Variants in DOCK1 observed in about 807,000 individuals in gnomAD.
The protein encoded by DOCK1 is dedicator of cytokinesis 1, also known as dedicator of cytokinesis protein 1.
In DOCK1, 138 loss-of-function variants were observed where a neutral mutation model predicts 262.7. That is an observed-to-expected ratio of 0.53 (90% CI 0.46 to 0.61). DOCK1 has a LOEUF of 0.61. Ranked by LOEUF, DOCK1 falls within the 20% of genes least tolerant of loss-of-function variation. The pLI, the probability that DOCK1 is intolerant of heterozygous loss-of-function variation, is 0.00. For synonymous variants in DOCK1, 866 were observed against 867.4 expected, an observed-to-expected ratio of 1.00 and a Z score of 0.03; for missense variants, 1,908 against 2,370.7, an observed-to-expected ratio of 0.80 and a Z score of 4.05.
At chr10:127,241,222 G>C (rs1025218151) in intron 27 of DOCK1, among the ~76,000 whole-genome samples, 1 of 152,180 alleles carries the variant, frequency 6.6e-6, no homozygotes, top group Admixed American at 6.5e-5. Context: ...CGGAGGCTGA[G>C]GCAGGAGAAT....
chr10:127,449,664 G>A lies in DOCK1; in HGVS notation c.5566-1668G>A, dbSNP rs79231522. The stretch of plus-strand genomic sequence containing the variant: ...TAGTATGTCATCATTAGGCAGAAGC[G>A]GTTGCATTTCCTGGGGTGCCTCCCT... On this transcript the variant is annotated intron_variant, in intron 51 of 51. Coordinates refer to ENST00000623213, the MANE Select transcript of DOCK1 (RefSeq NM_001290223.2). Among the ~76,000 whole-genome samples the A allele has an allele frequency of 1.2e-3, 188 of 152,254 alleles. 2 individuals carry two copies. In the East Asian group the frequency reaches 0.033, roughly 27 times the overall value.
At position 127,022,775 on chromosome 10, in the gene DOCK1, A is replaced by G. The variant is rs553658236; in HGVS notation, c.1328-425A>G. ...AGAATGCATAGGAGGCAACCTTGCC[A>G]GTTACCTGGGAGTGCCAGTGGATAC... On this transcript the variant is annotated intron_variant, in intron 13 of 51. Transcript: ENST00000623213. Among the ~76,000 whole-genome samples, 8 of 152,290 alleles carry G rather than the reference A, an allele frequency of 5.3e-5. No homozygotes were observed. In the South Asian group the frequency reaches 1.7e-3, roughly 32 times the overall value.
intron 28 of DOCK1, among the ~76,000 whole-genome samples, chr10:127,252,282 A>T (rs912723265): frequency 6.7e-6 from 1 of 150,086 alleles, no homozygotes; most frequent in Admixed American, 6.7e-5. Flanking sequence ...GATTCTGGAT[A>T]TTAGCCCTTT....
intron 23 of DOCK1, among the ~76,000 whole-genome samples, chr10:127,074,097 A>C (rs1227286714): frequency 6.6e-6 from 1 of 152,226 alleles, no homozygotes; most frequent in African/African-American, 2.4e-5. Flanking sequence ...AGCTTAAAAA[A>C]TCATTAGCTC....
intron 27 of DOCK1, chr10:127,135,631 A>G (rs2050625634): frequency 6.5e-6 from 1 of 152,754 alleles, no homozygotes; most frequent in Middle Eastern, 3.4e-3. Flanking sequence ...TAAACTATGA[A>G]ATGATTTTGA....
chr10:127,044,464 C>A (rs1184420440), intron 21 of DOCK1, among the ~76,000 whole-genome samples: 1 of 152,120 alleles, frequency 6.6e-6, no homozygotes, highest in Admixed American at 6.5e-5. Context: ...TGGAGATGCC[C>A]AGTGTGTGGG....
intron 2 of DOCK1, among the ~76,000 whole-genome samples, chr10:126,972,991 A>G (rs1591494662): frequency 6.6e-6 from 1 of 151,718 alleles, no homozygotes; most frequent in Non-Finnish European, 1.5e-5. Context: ...GAGGAGACAG[A>G]GAGAAATTAA....
chr10:127,079,728 C>A (rs12254152), intron 23 of DOCK1, among the ~76,000 whole-genome samples: 1 of 152,120 alleles, frequency 6.6e-6, no homozygotes, highest in African/African-American at 2.4e-5. Flanking sequence ...GTCAGGAGTT[C>A]GAGATCAGCC....
chr10:127,244,351 G>A (rs1324843630), intron 27 of DOCK1, among the ~76,000 whole-genome samples: 1 of 152,134 alleles, frequency 6.6e-6, no homozygotes, highest in African/African-American at 2.4e-5. Flanking sequence ...GCAATGCTAT[G>A]GACATCTTTG....
intron 25 of DOCK1, among the ~76,000 whole-genome samples, chr10:127,122,638 T>TTC (rs1299435639): frequency 1.3e-5 from 2 of 151,628 alleles, no homozygotes; most frequent in East Asian, 3.9e-4. Flanking sequence ...AATTTTTTTT[T>TTC]TTTTTTTACA....
In DOCK1 at chr10:127,346,473, G is replaced by A. The variant is rs529590578; in HGVS notation, c.3224+2727G>A. On this transcript the variant is annotated intron_variant, in intron 31 of 51. Transcript: ENST00000623213. Reference sequence around the variant, plus strand: ...TAGCCAGGTGTGGTGGCGCGCACCTGTGGTGCCAGCTACTCAGGAGGCTGA... The same window carrying A: ...TAGCCAGGTGTGGTGGCGCGCACCTATGGTGCCAGCTACTCAGGAGGCTGA... 6.6e-5 allele frequency among the ~76,000 whole-genome samples: 10 copies of A among 152,330 alleles called. No homozygotes were observed. The East Asian group carries it at 9.7e-4, about 15-fold the overall frequency.
intron 27 of DOCK1, among the ~76,000 whole-genome samples, chr10:127,130,531 A>C (rs1460030739): frequency 6.6e-6 from 1 of 152,224 alleles, no homozygotes; most frequent in Non-Finnish European, 1.5e-5. Flanking sequence ...AGATGTGCTC[A>C]CAGCTTCATC....
intron 18 of DOCK1, among the ~76,000 whole-genome samples, chr10:127,032,882 C>G (rs2043337066): frequency 1.3e-5 from 2 of 152,148 alleles, no homozygotes; most frequent in African/African-American, 4.8e-5. Flanking sequence ...GGAGATAAAG[C>G]AATGGATTTA....
intron 1 of DOCK1, 127 bp from the exon 2 acceptor site, chr10:126,970,575 A>G (rs2038025241): frequency 1.5e-6 from 1 of 675,360 alleles, no homozygotes; most frequent in Non-Finnish European, 2.6e-6. Flanking sequence ...ATCAGAGAGG[A>G]TGATGCAGGC....
intron 27 of DOCK1, among the ~76,000 whole-genome samples, chr10:127,237,340 A>C (rs1426280575): frequency 6.8e-6 from 1 of 146,388 alleles, no homozygotes; most frequent in African/African-American, 2.6e-5. Flanking sequence ...ACCCTGGGTA[A>C]CAAGAGCAAA....
At chr10:127,159,747 G>A (rs1351966688) in intron 27 of DOCK1, among the ~76,000 whole-genome samples, 4 of 152,142 alleles carry the variant, frequency 2.6e-5, no homozygotes, top group Admixed American at 2.6e-4. Flanking sequence ...ACAAAGAAGG[G>A]CAGGCCCATG....
At chr10:127,383,585 C>T (rs759402328) in intron 37 of DOCK1, among the ~76,000 whole-genome samples, 2 of 152,220 alleles carry the variant, frequency 1.3e-5, no homozygotes, top group African/African-American at 2.4e-5. Flanking sequence ...AGGGCCCGTG[C>T]CCTGTGCCTG....
At chr10:127,354,447 G>A (rs1327092795) in intron 31 of DOCK1, among the ~76,000 whole-genome samples, 1 of 152,186 alleles carries the variant, frequency 6.6e-6, no homozygotes, top group Admixed American at 6.5e-5. Flanking sequence ...TTCCCACCGG[G>A]GGGAAGATGT....
intron 25 of DOCK1, among the ~76,000 whole-genome samples, chr10:127,114,699 T>C (rs1337880968): frequency 6.6e-6 from 1 of 151,940 alleles, no homozygotes; most frequent in African/African-American, 2.4e-5. Flanking sequence ...GAGTAATGCA[T>C]GCCAGTGTAC....
Sources: allele counts gnomAD v4.1 joint callset (sites outside exome capture counted in the v4.1 genomes callset), GRCh38; gene constraint gnomAD v4.1.1; transcripts MANE v1.5; gene names NCBI Gene and HGNC (gene_info 2026-07-23, HGNC 2026-07-21).